Variants in ANKIB1 observed in about 807,000 individuals in gnomAD.
The protein encoded by ANKIB1 is ankyrin repeat and IBR domain containing 1, also known as ankyrin repeat and IBR domain-containing protein 1.
Under a neutral mutation model 122.1 loss-of-function variants are expected in ANKIB1, and 43 were observed. The ratio of observed to expected loss-of-function variants is 0.35; its 90% CI spans 0.28 to 0.45. The LOEUF (loss-of-function observed/expected upper bound fraction) is 0.45. Among genes scored for constraint, ANKIB1 ranks in the 20% least tolerant of loss-of-function variants. The pLI, the probability that ANKIB1 is intolerant of heterozygous loss-of-function variation, is 1.00. For missense variants in ANKIB1, 992 were observed against 1,329.5 expected, an observed-to-expected ratio of 0.75 and a Z score of 3.95; for synonymous variants, 390 against 442.0, an observed-to-expected ratio of 0.88 and a Z score of 1.48.
At chr7:92,322,234 A>G (rs1328156766) in intron 4 of ANKIB1, among the ~76,000 whole-genome samples, 5 of 152,132 alleles carry the variant, frequency 3.3e-5, no homozygotes, top group Non-Finnish European at 4.4e-5. Flanking sequence ...TTTTTCCCCA[A>G]AATACCATCT....
chr7:92,324,872 T>C (rs1261514061), intron 4 of ANKIB1, among the ~76,000 whole-genome samples: 2 of 152,222 alleles, frequency 1.3e-5, no homozygotes, highest in Non-Finnish European at 2.9e-5. Flanking sequence ...TGCTAGACAC[T>C]GTTTTAGATG....
intron 11 of ANKIB1, among the ~76,000 whole-genome samples, chr7:92,375,325 T>C (rs2115654288): frequency 6.6e-6 from 1 of 152,280 alleles, no homozygotes; most frequent in South Asian, 2.1e-4. Context: ...AATATAATAC[T>C]GTATTATAGA....
chr7:92,267,628 T>C (rs1052049220), intron 1 of ANKIB1, among the ~76,000 whole-genome samples: 2 of 152,342 alleles, frequency 1.3e-5, no homozygotes, highest in African/African-American at 4.8e-5. Flanking sequence ...GAAAGCATTA[T>C]TGTTTTACCT....
intron 1 of ANKIB1, among the ~76,000 whole-genome samples, chr7:92,278,546 T>G (rs1048089678): frequency 1.3e-5 from 2 of 152,232 alleles, no homozygotes; most frequent in Non-Finnish European, 2.9e-5. Context: ...TTTAACAATC[T>G]TAACTTTATA....
At chr7:92,317,953 C>T (rs533436341) in intron 3 of ANKIB1, among the ~76,000 whole-genome samples, 6 of 152,222 alleles carry the variant, frequency 3.9e-5, no homozygotes, top group East Asian at 1.9e-4. Context: ...CATTTCACTT[C>T]GATTTATATG....
At chr7:92,321,909 C>T (rs1802920764) in intron 4 of ANKIB1, among the ~76,000 whole-genome samples, 1 of 152,194 alleles carries the variant, frequency 6.6e-6, no homozygotes, top group Admixed American at 6.5e-5. Flanking sequence ...TTTGCTGGCC[C>T]TTCACATGGT....
chr7:92,394,409 A>G (rs1456883464), intron 17 of ANKIB1, among the ~76,000 whole-genome samples: 1 of 152,228 alleles, frequency 6.6e-6, no homozygotes, highest in South Asian at 2.1e-4. Flanking sequence ...TATGAGAACA[A>G]TATATTTAAG....
chr7:92,388,093 T>C, intron 14 of ANKIB1, 52 bp downstream of exon 14: 1 of 1,476,662 alleles, frequency 6.8e-7, no homozygotes, highest in Non-Finnish European at 9.3e-7. Flanking sequence ...CTTTCCATGC[T>C]TGTCATTTCA....
chr7:92,399,190 A>C lies in ANKIB1; in HGVS notation c.*241A>C, dbSNP rs1381293859. On this transcript the variant is annotated 3_prime_UTR_variant, in exon 20 of 20. Transcript: ENST00000265742. ...TTTTGCTGACAAAAAGAAGAGCAAG[A>C]GAAAGAGAAACAAAAATGAAATAAA... 5.8e-6 allele frequency: 2 copies of C among 345,562 alleles called. No individual in the cohort carries two copies. Among genetic ancestry groups the C allele is most frequent in the African/African-American group, 4.2e-5 (2 of 47,290 alleles). 21.4% of individuals were successfully genotyped at this position (345,562 alleles called of 1,614,324 possible). A position where few individuals can be genotyped will look rare whatever the true frequency, so the allele number is the denominator to read the frequency against.
intron 5 of ANKIB1, among the ~76,000 whole-genome samples, chr7:92,341,399 G>A (rs1803437357): frequency 6.6e-6 from 1 of 151,196 alleles, no homozygotes; most frequent in African/African-American, 2.4e-5. Context: ...AGACTCATTA[G>A]TCTCATTCCA....
intron 1 of ANKIB1, among the ~76,000 whole-genome samples, chr7:92,246,744 G>A (rs182204141): frequency 1.3e-5 from 2 of 152,282 alleles, no homozygotes; most frequent in Admixed American, 6.5e-5. Flanking sequence ...GGGTCTCCGT[G>A]ACGCGTCCCA....
At chr7:92,307,808 C>CTTTTTTT (rs71107855) in intron 3 of ANKIB1, among the ~76,000 whole-genome samples, 152 bp downstream of exon 3, 4 of 47,914 alleles carry the variant, frequency 8.3e-5, no homozygotes, top group African/African-American at 1.8e-4. Context: ...TAAAGGGCCT[C>CTTTTTTT]TTTTTTTTTT....
Position 92,246,061 on chromosome 7 carries a change from A to G in ANKIB1, c.-549A>G. 3.6e-6 allele frequency: 1 copy of G among 278,780 alleles called. No homozygotes were observed. The highest frequency in any genetic ancestry group is 6.9e-6 in the Non-Finnish European group (1 of 144,104). The allele number at this position is 278,780 out of a possible 1,614,324, so 17.3% of individuals were successfully genotyped here. On this transcript the variant is annotated 5_prime_UTR_variant, in exon 1 of 20. Transcript: ENST00000265742. ...GCTGGTGGCAGGCGACTAGGAGACT[A>G]GGGTGGTGGCGGTGGGGGTGCCAGC... is the stretch of plus-strand genomic sequence containing the variant.
At chr7:92,372,043 T>C (rs2115642583) in intron 11 of ANKIB1, among the ~76,000 whole-genome samples, 1 of 150,648 alleles carries the variant, frequency 6.6e-6, no homozygotes, top group South Asian at 2.1e-4. Flanking sequence ...CTGCCTTATA[T>C]AGATCTTTTG....
At chr7:92,272,222 G>A (rs191414868) in intron 1 of ANKIB1, among the ~76,000 whole-genome samples, 13 of 152,116 alleles carry the variant, frequency 8.5e-5, no homozygotes, top group Admixed American at 7.2e-4. Flanking sequence ...ACCGCACCAA[G>A]GCATATCAGT....
Position 92,398,320 on chromosome 7 carries a change from A to G in ANKIB1, c.2641A>G (p.Asn881Asp), listed in dbSNP as rs377108736. 5.0e-6 allele frequency: 8 copies of G among 1,613,640 alleles called. No individual in the cohort carries two copies. The African/African-American group carries it at 1.1e-4, about 22-fold the overall frequency. ...TGAAGAAACTAGAGACTTCCTCAGT[A>G]ATGAAGCATCCTTAGGTGCGATAGG... is the stretch of plus-strand genomic sequence containing the variant. The part of the protein sequence containing the change: ...LDEETRDFLS[N>D]EASLGAIGTS... Residue 881 changes from asparagine (N) to aspartate (D), a missense_variant, in exon 20 of 20, where the codon AAT (asparagine) becomes GAT (aspartate). This residue lies in a region of ANKIB1 where 384 missense variants were observed against 412.0 expected (regional missense o/e 0.93). Coordinates refer to ENST00000265742, the MANE Select transcript of ANKIB1 (RefSeq NM_019004.2).
rs376331348 is a variant in ANKIB1, at chr7:92,364,922, C to T, written c.1486+2649C>T. On this transcript the variant is annotated intron_variant, in intron 10 of 19. Coordinates refer to ENST00000265742, the MANE Select transcript of ANKIB1 (RefSeq NM_019004.2). ...AAACTCAGATAAGCAAGTGACTTTC[C>T]GGGGAAAATAATGAGTTTTGGTGGT... Among the ~76,000 whole-genome samples the T allele has an allele frequency of 1.7e-4, 26 of 152,108 alleles. No homozygotes were observed. In the South Asian group the frequency reaches 4.6e-3, roughly 27 times the overall value.
chr7:92,357,498 G>A (rs1339399940), intron 9 of ANKIB1, among the ~76,000 whole-genome samples: 1 of 152,062 alleles, frequency 6.6e-6, no homozygotes, highest in Non-Finnish European at 1.5e-5. Context: ...ATTTTGCAGG[G>A]CTGAGATGGG....
At chr7:92,277,987 G>A (rs866345721) in intron 1 of ANKIB1, among the ~76,000 whole-genome samples, 7 of 152,068 alleles carry the variant, frequency 4.6e-5, no homozygotes, top group Non-Finnish European at 7.4e-5. Context: ...AGGAAGCTGA[G>A]GCAGGAGAAT....
Sources: allele counts gnomAD v4.1 joint callset (sites outside exome capture counted in the v4.1 genomes callset), GRCh38; gene constraint gnomAD v4.1.1; regional missense constraint gnomAD v4.1.1; transcripts MANE v1.5; gene names NCBI Gene and HGNC (gene_info 2026-07-23, HGNC 2026-07-21).